The following ME2 variants were observed in gnomAD, a reference collection of about 807,000 sequenced individuals.
ME2 encodes the protein NAD-dependent malic enzyme, mitochondrial.
Under a neutral mutation model 73.7 loss-of-function variants are expected in ME2, and 60 were observed. That is an observed-to-expected ratio of 0.81 (90% CI 0.66 to 1.01). The LOEUF (loss-of-function observed/expected upper bound fraction) is 1.01. Ranked by LOEUF, ME2 falls within the 50% of genes least tolerant of loss-of-function variation. The pLI is 0.00. For synonymous variants in ME2, 199 were observed against 236.9 expected, an observed-to-expected ratio of 0.84 and a Z score of 1.47; for missense variants, 594 against 705.5, an observed-to-expected ratio of 0.84 and a Z score of 1.79.
chr18:50,888,696 T>C (rs894903362), intron 1 of ME2, among the ~76,000 whole-genome samples: 20 of 152,214 alleles, frequency 1.3e-4, no homozygotes, highest in African/African-American at 4.6e-4. Flanking sequence ...TAGGTTTATG[T>C]ACTTGGTAAT....
intron 1 of ME2, among the ~76,000 whole-genome samples, chr18:50,884,494 C>T (rs934844592): frequency 5.9e-5 from 9 of 152,168 alleles, no homozygotes; most frequent in African/African-American, 1.9e-4. Flanking sequence ...ACTACAGGCA[C>T]GCACCACCAT....
chr18:50,887,331 A>G (rs1271538179), intron 1 of ME2, among the ~76,000 whole-genome samples: 2 of 152,188 alleles, frequency 1.3e-5, no homozygotes, highest in Non-Finnish European at 2.9e-5. Context: ...AAGAACCTAT[A>G]GCAGTGAGCT....
At position 50,947,822 on chromosome 18, in the gene ME2, G is replaced by C. The variant is rs1918122951; in HGVS notation, c.*638G>C. Reference sequence around the variant, plus strand: ...TACTGCTGGCTTTAAGTAAATAAAAGTCATTGTTTTCAACAGTGTATAAAA... The same window carrying C: ...TACTGCTGGCTTTAAGTAAATAAAACTCATTGTTTTCAACAGTGTATAAAA... On this transcript the variant is annotated 3_prime_UTR_variant, in exon 16 of 16. Transcript: ENST00000321341. 1 of 152,100 alleles carries C rather than the reference G, an allele frequency of 6.6e-6. No individual in the cohort carries two copies. Among genetic ancestry groups the C allele is most frequent in the African/African-American group, 2.4e-5 (1 of 41,436 alleles). 9.4% of individuals were successfully genotyped at this position (152,100 alleles called of 1,614,324 possible). A position where few individuals can be genotyped will look rare whatever the true frequency, so the allele number is the denominator to read the frequency against.
At chr18:50,942,866 A>G in intron 15 of ME2, 2 of 232,098 alleles carry the variant, frequency 8.6e-6, no homozygotes, top group East Asian at 8.2e-5. Flanking sequence ...TCTGCAAGTA[A>G]TTTTTTCTTT....
In ME2 at chr18:50,953,824, G is replaced by C. The variant is rs918443174; in HGVS notation, c.*6640G>C. 6.6e-5 allele frequency: 10 copies of C among 152,152 alleles called. No homozygotes were observed. The highest frequency in any genetic ancestry group is 1.3e-4 in the Non-Finnish European group (9 of 68,026). The allele number at this position is 152,152 out of a possible 1,614,324, so 9.4% of individuals were successfully genotyped here. A position where few individuals can be genotyped will look rare whatever the true frequency, so the allele number is the denominator to read the frequency against. ...AATAAGAACTTTCTTAAAAGACCTA[G>C]TTTAGCTAAATATATGACAATATAA... On this transcript the variant is annotated 3_prime_UTR_variant, in exon 16 of 16. Transcript: ENST00000321341.
Position 50,950,222 on chromosome 18 carries a change from T to A in ME2, c.*3038T>A, listed in dbSNP as rs1186960981. The A allele has an allele frequency of 6.6e-6, 1 of 152,190 alleles. No individual in the cohort carries two copies. The highest frequency in any genetic ancestry group is 1.5e-5 in the Non-Finnish European group (1 of 68,042). 9.4% of individuals were successfully genotyped at this position (152,190 alleles called of 1,614,324 possible). ...AGATTTTAGTTAAAATATTTTAAAA[T>A]TTTTTGATTCATAACCAAGAAGTTG... On this transcript the variant is annotated 3_prime_UTR_variant, in exon 16 of 16. Transcript: ENST00000321341.
At chr18:50,941,670 C>T (rs190205615) in intron 15 of ME2, among the ~76,000 whole-genome samples, 4 of 131,852 alleles carry the variant, frequency 3.0e-5, no homozygotes, top group African/African-American at 6.0e-5. Flanking sequence ...CCACCACGCC[C>T]GGGCTGTGAT....
At position 50,894,302 on chromosome 18, in the gene ME2, G is replaced by A. The variant is rs369311671; in HGVS notation, c.-12-1507G>A. 7.7e-4 allele frequency among the ~76,000 whole-genome samples: 117 copies of A among 152,294 alleles called. No individual in the cohort carries two copies. In the Middle Eastern group the frequency reaches 0.01, roughly 13 times the overall value. ...TTTTTGGCCGGGCGCGGTGGCCCACGCCTGTAATCTCAGCACTTTGGGAGG... is the reference window on the plus strand; with the variant it reads ...TTTTTGGCCGGGCGCGGTGGCCCACACCTGTAATCTCAGCACTTTGGGAGG... On this transcript the variant is annotated intron_variant, in intron 1 of 15. Transcript: ENST00000321341.
intron 2 of ME2, among the ~76,000 whole-genome samples, chr18:50,906,381 T>C (rs778119935): frequency 6.6e-6 from 1 of 152,114 alleles, no homozygotes; most frequent in Non-Finnish European, 1.5e-5. Context: ...GGCATGATCT[T>C]GGCTCACTGC....
In ME2 at chr18:50,898,955, T is replaced by G. The variant is rs79249063; in HGVS notation, c.108+3027T>G. Reference sequence around the variant, plus strand: ...AATTGGATTTCTCCTTTTCTCCCCATGCTCATTTGGCTAACTTTTCTCATA... The same window carrying G: ...AATTGGATTTCTCCTTTTCTCCCCAGGCTCATTTGGCTAACTTTTCTCATA... On this transcript the variant is annotated intron_variant, in intron 2 of 15. Coordinates refer to ENST00000321341, the MANE Select transcript of ME2 (RefSeq NM_002396.5). 3.8e-4 allele frequency among the ~76,000 whole-genome samples: 58 copies of G among 152,364 alleles called. 1 individual carries two copies. The East Asian group carries it at 0.011, about 29-fold the overall frequency.
chr18:50,918,225 A>C lies in ME2; in HGVS notation c.734+12A>C. The C allele has an allele frequency of 6.4e-7, 1 of 1,573,506 alleles. No homozygotes were observed. Among genetic ancestry groups the C allele is most frequent in the Non-Finnish European group, 8.7e-7 (1 of 1,150,216 alleles). On this transcript the variant is annotated intron_variant, in intron 7 of 15. Transcript: ENST00000321341. The stretch of plus-strand genomic sequence containing the variant: ...GCTATTACTGACAGGTATTTTTTAA[A>C]AGTTTGAGTATATGAAAGCACCTTT...
chr18:50,918,991 A>G (rs1917356684), intron 7 of ME2, among the ~76,000 whole-genome samples: 1 of 152,174 alleles, frequency 6.6e-6, no homozygotes, highest in South Asian at 2.1e-4. Context: ...TATTATTGGC[A>G]GTAACATTCA....
intron 3 of ME2, among the ~76,000 whole-genome samples, chr18:50,909,782 T>C (rs1251547114): frequency 6.6e-6 from 1 of 152,074 alleles, no homozygotes; most frequent in African/African-American, 2.4e-5. Flanking sequence ...TGGAAGAAAA[T>C]TTAATGTTTC....
At position 50,924,129 on chromosome 18, in the gene ME2, A is replaced by G; in HGVS notation, c.1088A>G (p.Glu363Gly). ...GRKAKIDSYQ[E>G]PFTHSAPESI... ...AAAGCAAAAATAGATAGTTATCAGG[A>G]ACCATTTACTCACTCAGCCCCAGAG... is the stretch of plus-strand genomic sequence containing the variant. Residue 363 changes from glutamate to glycine, a missense_variant, in exon 11 of 16, where the codon GAA (glutamate) becomes GGA (glycine). Physicochemically the swap from Glu to Gly is moderately conservative, Grantham distance 98. Coordinates refer to ENST00000321341, the MANE Select transcript of ME2 (RefSeq NM_002396.5). The G allele has an allele frequency of 6.2e-7, 1 of 1,613,258 alleles. No homozygotes were observed. Among genetic ancestry groups the G allele is most frequent in the South Asian group, 1.1e-5 (1 of 90,868 alleles).
At chr18:50,901,389 T>C (rs991034412) in intron 2 of ME2, among the ~76,000 whole-genome samples, 1 of 152,214 alleles carries the variant, frequency 6.6e-6, no homozygotes, top group African/African-American at 2.4e-5. Flanking sequence ...TCAGGATATG[T>C]CTTATATTAG....
intron 10 of ME2, among the ~76,000 whole-genome samples, chr18:50,921,557 C>T (rs1331065709): frequency 1.3e-5 from 2 of 152,076 alleles, no homozygotes; most frequent in Non-Finnish European, 2.9e-5. Flanking sequence ...GATATTTGAG[C>T]AGAAATTCTT....
Position 50,912,923 on chromosome 18 carries a change from A to G in ME2, c.365A>G (p.Gln122Arg), listed in dbSNP as rs1490528363. Residue 122 changes from glutamine to arginine, a missense_variant, in exon 4 of 16, where the codon CAG becomes CGG. By Grantham distance (43) the Gln-to-Arg change is conservative (BLOSUM62 1). Transcript: ENST00000321341. ...YTPTVGLACSQYGHIFRRPKG... is the reference protein window; with the variant it reads ...YTPTVGLACSRYGHIFRRPKG... ...CCGACGGTTGGTCTTGCCTGCTCCC[A>G]GTATGGACACATCTTTAGAAGACCT... 2 of 1,607,580 alleles carry G rather than the reference A, an allele frequency of 1.2e-6. No homozygotes were observed. Among genetic ancestry groups the G allele is most frequent in the Non-Finnish European group, 1.7e-6 (2 of 1,178,250 alleles).
At chr18:50,931,024 G>GT (rs1338694892) in intron 12 of ME2, among the ~76,000 whole-genome samples, 4 of 152,218 alleles carry the variant, frequency 2.6e-5, no homozygotes, top group African/African-American at 9.7e-5. Context: ...TGTAAAAGTA[G>GT]TGGTTACTCT....
At chr18:50,926,707 T>C (rs1212112003) in intron 12 of ME2, among the ~76,000 whole-genome samples, 3 of 152,238 alleles carry the variant, frequency 2.0e-5, no homozygotes, top group Non-Finnish European at 4.4e-5. Flanking sequence ...TTGCTTTCTG[T>C]GTTTCAATCT....
Sources: allele counts gnomAD v4.1 joint callset (sites outside exome capture counted in the v4.1 genomes callset), GRCh38; gene constraint gnomAD v4.1.1; transcripts MANE v1.5; gene names NCBI Gene and HGNC (gene_info 2026-07-23, HGNC 2026-07-21).